The following GLIS1 variants were observed in gnomAD, a reference collection of about 807,000 sequenced individuals.
GLIS1 encodes the protein GLIS family zinc finger 1.
Under a neutral mutation model 63.8 loss-of-function variants are expected in GLIS1, and 24 were observed. That is an observed-to-expected ratio of 0.38 (90% confidence interval 0.27 to 0.53). GLIS1 has a LOEUF of 0.53. Among genes scored for constraint, GLIS1 ranks in the 20% least tolerant of loss-of-function variants. The pLI is 0.85. For synonymous variants in GLIS1, 450 were observed against 482.5 expected (o/e 0.93, Z 0.88); for missense variants, 1,036 against 1,074.1 (o/e 0.96, Z 0.50).
At chr1:53,635,342 T>A (rs1487055638) in intron 2 of GLIS1, among the ~76,000 whole-genome samples, 1 of 152,056 alleles carries the variant, frequency 6.6e-6, no homozygotes, top group Non-Finnish European at 1.5e-5. Context: ...TATTTGGAAA[T>A]TAAGAAACAT....
intron 4 of GLIS1, among the ~76,000 whole-genome samples, chr1:53,563,124 T>C (rs1259927847): frequency 6.6e-6 from 1 of 152,192 alleles, no homozygotes; most frequent in South Asian, 2.1e-4. Context: ...AAAGGTGGGG[T>C]TCCCCCAAGG....
intron 2 of GLIS1, among the ~76,000 whole-genome samples, chr1:53,640,895 C>G (rs1202578860): frequency 6.6e-6 from 1 of 152,090 alleles, no homozygotes; most frequent in Non-Finnish European, 1.5e-5. Flanking sequence ...CTGAGATGCA[C>G]AGCAGGACTG....
intron 2 of GLIS1, among the ~76,000 whole-genome samples, chr1:53,652,417 T>C (rs1443037357): frequency 6.6e-6 from 1 of 152,094 alleles, no homozygotes; most frequent in Non-Finnish European, 1.5e-5. Context: ...CCTGAAGGCA[T>C]GCCCTCATCT....
Position 53,594,429 on chromosome 1 carries a change from C to G in GLIS1, c.999G>C (p.Gly333=), listed in dbSNP as rs372329639. ...EPADEFSELF[G]PHQQGLPPPY... ...GGGGCGGCAGGCCCTGCTGGTGAGG[C>G]CCAAAGAGCTCTGAAAACTCATCCG... The change falls in exon 4 of 11, where the codon GGG becomes GGC. Residue 333 remains glycine, a synonymous_variant. Transcript: ENST00000628545. 1.9e-6 allele frequency: 3 copies of G among 1,612,764 alleles called. No homozygotes were observed. Among genetic ancestry groups the G allele is most frequent in the South Asian group, 2.2e-5 (2 of 91,076 alleles).
intron 2 of GLIS1, among the ~76,000 whole-genome samples, chr1:53,693,862 C>G (rs1197640868): frequency 2.6e-5 from 4 of 152,224 alleles, no homozygotes; most frequent in African/African-American, 7.2e-5. Flanking sequence ...GGCTGTGCCG[C>G]TCAAAGTGAC....
At chr1:53,575,651 T>C (rs1645025688) in intron 4 of GLIS1, among the ~76,000 whole-genome samples, 1 of 152,170 alleles carries the variant, frequency 6.6e-6, no homozygotes, top group Admixed American at 6.5e-5. Flanking sequence ...AGGGCAAGAT[T>C]CCTGGCTGTG....
rs369443550 is a variant in GLIS1, at chr1:53,699,050, G to T, written c.259+38756C>A. 3.8e-3 allele frequency among the ~76,000 whole-genome samples: 575 copies of T among 150,768 alleles called. 4 individuals are homozygous for T. The highest frequency in any genetic ancestry group is 0.013 in the African/African-American group (549 of 40,716). On this transcript the variant is annotated intron_variant, in intron 2 of 10. Coordinates refer to ENST00000628545, the MANE Select transcript of GLIS1 (RefSeq NM_001367484.1). ...TTGTTTTTTGTTTTGTTTTTTGTTT[G>T]TTTGTTTTTTATTTTTATTTTTATT...
chr1:53,697,888 C>A (rs1400034332), intron 2 of GLIS1, among the ~76,000 whole-genome samples: 2 of 152,150 alleles, frequency 1.3e-5, no homozygotes, highest in Admixed American at 1.3e-4. Context: ...GGGCTCAGAG[C>A]CAGTGGTTCT....
At chr1:53,514,261 G>A (rs1175768727) in intron 8 of GLIS1, among the ~76,000 whole-genome samples, 1 of 152,194 alleles carries the variant, frequency 6.6e-6, no homozygotes, top group South Asian at 2.1e-4. Flanking sequence ...GCACAGATGA[G>A]GCAAGGAGAC....
chr1:53,620,728 G>A (rs959163465), intron 2 of GLIS1, among the ~76,000 whole-genome samples: 1 of 152,156 alleles, frequency 6.6e-6, no homozygotes, highest in African/African-American at 2.4e-5. Context: ...TCAGGGAGAA[G>A]AACACAAAAG....
intron 4 of GLIS1, among the ~76,000 whole-genome samples, chr1:53,591,660 C>T (rs894030315): frequency 2.0e-5 from 3 of 152,206 alleles, no homozygotes; most frequent in Admixed American, 1.3e-4. Context: ...TTCACAGTAT[C>T]TACCCCACAG....
chr1:53,521,814 G>A (rs1001937138), intron 6 of GLIS1, among the ~76,000 whole-genome samples: 1 of 152,250 alleles, frequency 6.6e-6, no homozygotes, highest in Non-Finnish European at 1.5e-5. Flanking sequence ...TGGGAACAGG[G>A]TGAGGCCTTC....
chr1:53,546,968 A>T (rs1644705813), intron 4 of GLIS1, among the ~76,000 whole-genome samples: 1 of 152,208 alleles, frequency 6.6e-6, no homozygotes. Flanking sequence ...AGGCTGACAC[A>T]GAATGGACCT....
At chr1:53,506,912 C>A in intron 10 of GLIS1, 136 bp from the exon 11 acceptor site, 1 of 915,830 alleles carries the variant, frequency 1.1e-6, no homozygotes, top group African/African-American at 1.7e-5. Flanking sequence ...CTGCTTGGAG[C>A]CCCCAACTTT....
chr1:53,528,293 T>C (rs1644493029), intron 5 of GLIS1, among the ~76,000 whole-genome samples: 1 of 152,160 alleles, frequency 6.6e-6, no homozygotes, highest in African/African-American at 2.4e-5. Flanking sequence ...CTTGCCACCC[T>C]CACCCCTCTG....
Position 53,600,290 on chromosome 1 carries a change from AAGAC to A in GLIS1, c.260-16_260-13del. ...GTAGCTCCCATTCACTAGGCAGAGA[AAGAC>A]AGGGAGAGAGGGACACAGTGAGTGG... On this transcript the variant is annotated splice_polypyrimidine_tract_variant and intron_variant, in intron 2 of 10. Coordinates refer to ENST00000628545, the MANE Select transcript of GLIS1 (RefSeq NM_001367484.1). 1 of 1,231,548 alleles carries A rather than the reference AAGAC, an allele frequency of 8.1e-7. No homozygotes were observed. Among genetic ancestry groups the A allele is most frequent in the Non-Finnish European group, 1.0e-6 (1 of 987,422 alleles). 76.3% of individuals were successfully genotyped at this position (1,231,548 alleles called of 1,614,324 possible).
At chr1:53,567,998 T>A (rs1644951108) in intron 4 of GLIS1, among the ~76,000 whole-genome samples, 1 of 152,206 alleles carries the variant, frequency 6.6e-6, no homozygotes, top group South Asian at 2.1e-4. Flanking sequence ...CTTGGGCCTA[T>A]GAGAAGAGGG....
intron 2 of GLIS1, among the ~76,000 whole-genome samples, chr1:53,620,675 G>C (rs963442193): frequency 4.6e-5 from 7 of 152,236 alleles, no homozygotes; most frequent in African/African-American, 1.7e-4. Context: ...AAACAAGGAG[G>C]GCTGGGGGTG....
intron 4 of GLIS1, among the ~76,000 whole-genome samples, chr1:53,552,949 G>A (rs1557446393): frequency 6.6e-6 from 1 of 152,216 alleles, no homozygotes; most frequent in Admixed American, 6.5e-5. Context: ...GACCAATGAG[G>A]AGATGGAGTT....
Sources: allele counts gnomAD v4.1 joint callset (sites outside exome capture counted in the v4.1 genomes callset), GRCh38; gene constraint gnomAD v4.1.1; transcripts MANE v1.5; gene names NCBI Gene and HGNC (gene_info 2026-07-23, HGNC 2026-07-21).